The following TAMM41 variants were observed in gnomAD, a reference collection of about 807,000 sequenced individuals.
TAMM41 encodes TAM41 mitochondrial translocator assembly and maintenance homolog, also known as phosphatidate cytidylyltransferase, mitochondrial.
A neutral mutation model predicts 44.1 loss-of-function variants in TAMM41; 36 were observed. The observed-to-expected ratio is 0.82, with a 90% CI of 0.63 to 1.08. TAMM41 has a LOEUF of 1.08. Among genes scored for constraint, TAMM41 ranks in the 50% least tolerant of loss-of-function variants. TAMM41 has a pLI of 0.00. For synonymous variants in TAMM41, 164 were observed against 153.1 expected (o/e 1.07, Z -0.53); for missense variants, 417 against 404.3 (o/e 1.03, Z -0.27).
At chr3:11,831,395 G>A (rs980646455) in intron 3 of TAMM41, among the ~76,000 whole-genome samples, 6 of 152,094 alleles carry the variant, frequency 3.9e-5, no homozygotes, top group Non-Finnish European at 8.8e-5. Flanking sequence ...ATTTACACTC[G>A]TACCATGATC....
chr3:11,769,935 T>C, the TAMM41 span, among the ~76,000 whole-genome samples: 2 of 152,162 alleles, frequency 1.3e-5, no homozygotes, highest in Non-Finnish European at 2.9e-5. Context: ...CTGGGAGGTG[T>C]GGAGCTTCTA....
In TAMM41 at chr3:11,833,221, A is replaced by C. The variant is rs575515964; in HGVS notation, c.412-3357T>G. On this transcript the variant is annotated intron_variant, in intron 3 of 7. Transcript: ENST00000455809. ...ATCTTACTGGGAATGCCCCGACCTG[A>C]ACTGCATAGATAACATTAGCACGAC... The C allele has an allele frequency of 1.3e-3, 1,520 of 1,204,934 alleles. 4 individuals are homozygous for C. The highest frequency in any genetic ancestry group is 7.3e-3 in the Middle Eastern group (32 of 4,356). The allele number at this position is 1,204,934 out of a possible 1,614,324, so 74.6% of individuals were successfully genotyped here. A position where few individuals can be genotyped will look rare whatever the true frequency, so the allele number is the denominator to read the frequency against.
chr3:11,759,384 C>T, the TAMM41 span, among the ~76,000 whole-genome samples: 1 of 151,666 alleles, frequency 6.6e-6, no homozygotes, highest in African/African-American at 2.4e-5. Context: ...AACGAGATGC[C>T]AACTCTGCTT....
At chr3:11,787,941 A>C (rs1442845205), downstream of TAMM41, among the ~76,000 whole-genome samples, 1 of 152,188 alleles carries the variant, frequency 6.6e-6, no homozygotes, top group Non-Finnish European at 1.5e-5. Context: ...TTGATGAATC[A>C]CCTTAGATTG....
intron 7 of TAMM41, among the ~76,000 whole-genome samples, chr3:11,803,885 G>A (rs984025021): frequency 6.6e-6 from 1 of 152,184 alleles, no homozygotes; most frequent in African/African-American, 2.4e-5. Flanking sequence ...TAAACAATGT[G>A]TATGCATGAG....
At chr3:11,758,419 T>C in the TAMM41 span, among the ~76,000 whole-genome samples, 1 of 152,236 alleles carries the variant, frequency 6.6e-6, no homozygotes, top group African/African-American at 2.4e-5. Context: ...TGGCATGATC[T>C]TGGCTCACTG....
the TAMM41 span, among the ~76,000 whole-genome samples, chr3:11,748,427 G>A: frequency 1.2e-4 from 18 of 151,638 alleles, no homozygotes; most frequent in African/African-American, 2.2e-4. Context: ...AACTACAGGC[G>A]GCTGCCACCA....
chr3:11,836,495 G>A (rs902227914), intron 3 of TAMM41, among the ~76,000 whole-genome samples: 1 of 152,112 alleles, frequency 6.6e-6, no homozygotes, highest in African/African-American at 2.4e-5. Context: ...ACAGAGTCTC[G>A]CTTTGTCACC....
intron 4 of TAMM41, among the ~76,000 whole-genome samples, chr3:11,828,810 T>C (rs1575687068): frequency 6.6e-6 from 1 of 152,208 alleles, no homozygotes; most frequent in African/African-American, 2.4e-5. Context: ...CAGCATTAAA[T>C]TTCCATGAAA....
At chr3:11,722,139 G>T in the TAMM41 span, among the ~76,000 whole-genome samples, 1 of 152,184 alleles carries the variant, frequency 6.6e-6, no homozygotes, top group Non-Finnish European at 1.5e-5. Context: ...TCCTAAAGCT[G>T]CCTCTTTAAT....
intron 3 of TAMM41, among the ~76,000 whole-genome samples, chr3:11,833,303 C>G (rs2079057309): frequency 2.0e-5 from 3 of 152,130 alleles, no homozygotes; most frequent in African/African-American, 7.2e-5. Context: ...AAGGGACTTT[C>G]AAAGGAGATA....
At chr3:11,742,014 G>C in the TAMM41 span, among the ~76,000 whole-genome samples, 1 of 150,102 alleles carries the variant, frequency 6.7e-6, no homozygotes, top group Non-Finnish European at 1.5e-5. Flanking sequence ...GGTTTAAAGG[G>C]TATGGGATTT....
At chr3:11,765,327 CT>C in the TAMM41 span, among the ~76,000 whole-genome samples, 164 of 152,284 alleles carry the variant, frequency 1.1e-3, no homozygotes, top group Non-Finnish European at 2.1e-3. Context: ...TAGCTGAGCT[CT>C]TACTATGAGG....
the TAMM41 span, among the ~76,000 whole-genome samples, chr3:11,725,375 C>CTTTT: frequency 3.6e-4 from 49 of 136,616 alleles, 2 homozygotes; most frequent in African/African-American, 1.2e-3. Context: ...TCTCCTCCTC[C>CTTTT]TCTTCCTCCT....
At chr3:11,740,209 G>A in the TAMM41 span, among the ~76,000 whole-genome samples, 6 of 152,186 alleles carry the variant, frequency 3.9e-5, no homozygotes, top group Non-Finnish European at 7.4e-5. Flanking sequence ...AAATGAAGAT[G>A]CGTGTCATTA....
At chr3:11,803,517 A>G (rs2077815846) in intron 7 of TAMM41, among the ~76,000 whole-genome samples, 1 of 152,246 alleles carries the variant, frequency 6.6e-6, no homozygotes, top group South Asian at 2.1e-4. Context: ...GATTTCTTAA[A>G]GACCTAAAAA....
intron 2 of TAMM41, among the ~76,000 whole-genome samples, chr3:11,840,374 A>G (rs569759600): frequency 6.6e-6 from 1 of 152,110 alleles, no homozygotes; most frequent in Non-Finnish European, 1.5e-5. Context: ...CTGGGATTAC[A>G]GGCACGCGGT....
the TAMM41 span, among the ~76,000 whole-genome samples, chr3:11,722,548 C>A: frequency 2.6e-5 from 4 of 152,232 alleles, no homozygotes; most frequent in African/African-American, 9.6e-5. Context: ...CAGCATAATA[C>A]TCTATTTGTA....
At chr3:11,793,029 C>T (rs904395231) in intron 7 of TAMM41, among the ~76,000 whole-genome samples, 10 of 142,048 alleles carry the variant, frequency 7.0e-5, no homozygotes, top group African/African-American at 2.7e-4. Flanking sequence ...CCACTGCACT[C>T]CAGCCTGGCC....
Sources: gnomAD v4.1 joint callset for allele counts (sites outside exome capture counted in the v4.1 genomes callset) on GRCh38, gnomAD v4.1.1 for gene constraint, MANE v1.5 for transcripts, NCBI Gene and HGNC (gene_info 2026-07-23, HGNC 2026-07-21) for gene names.